Variants in NLGN1 observed in about 807,000 individuals in gnomAD.
NLGN1 encodes neuroligin 1.
A neutral mutation model predicts 65.5 loss-of-function variants in NLGN1; 12 were observed. The ratio of observed to expected loss-of-function variants is 0.18; its 90% CI spans 0.12 to 0.30. NLGN1 has a LOEUF of 0.30. NLGN1 is among the 10% of genes least tolerant of loss of function. The pLI is 1.00. For synonymous variants in NLGN1, 350 were observed against 359.5 expected (o/e 0.97, Z 0.30); for missense variants, 750 against 1,007.1 (o/e 0.74, Z 3.46).
chr3:173,875,914 G>C (rs1333618223), intron 4 of NLGN1, among the ~76,000 whole-genome samples: 1 of 152,104 alleles, frequency 6.6e-6, no homozygotes, highest in Non-Finnish European at 1.5e-5. Flanking sequence ...AAAGAAGTTA[G>C]GAGATGCTTA....
At chr3:173,457,043 C>G (rs963829763) in intron 2 of NLGN1, among the ~76,000 whole-genome samples, 1 of 152,028 alleles carries the variant, frequency 6.6e-6, no homozygotes, top group Non-Finnish European at 1.5e-5. Flanking sequence ...TACTTACTAT[C>G]AGAACATCCA....
At chr3:173,484,384 T>C (rs1051498074) in intron 2 of NLGN1, among the ~76,000 whole-genome samples, 1 of 152,128 alleles carries the variant, frequency 6.6e-6, no homozygotes, top group Non-Finnish European at 1.5e-5. Flanking sequence ...TAAATTCTCT[T>C]AAAAATTTTC....
chr3:174,171,272 T>C (rs1362959), intron 4 of NLGN1, among the ~76,000 whole-genome samples: 15,717 of 152,180 alleles, frequency 0.1, 952 homozygotes, highest in Admixed American at 0.15. Context: ...ATGGAAAACA[T>C]AGATTTGAAA....
At chr3:173,652,068 A>G (rs1759279888) in intron 3 of NLGN1, among the ~76,000 whole-genome samples, 1 of 152,188 alleles carries the variant, frequency 6.6e-6, no homozygotes, top group South Asian at 2.1e-4. Context: ...TGCTGGCGTT[A>G]CAGGTGTGAG....
At chr3:174,121,271 A>T (rs1717726388) in intron 4 of NLGN1, among the ~76,000 whole-genome samples, 1 of 152,128 alleles carries the variant, frequency 6.6e-6, no homozygotes, top group South Asian at 2.1e-4. Flanking sequence ...GACCTTTTCA[A>T]CTCTACTTGA....
At chr3:174,231,439 G>T (rs1185624327) in intron 4 of NLGN1, among the ~76,000 whole-genome samples, 1 of 152,188 alleles carries the variant, frequency 6.6e-6, no homozygotes, top group Non-Finnish European at 1.5e-5. Context: ...GTCTATGAGT[G>T]GTTAATGTAC....
At chr3:173,424,125 C>G (rs1054323404) in intron 1 of NLGN1, among the ~76,000 whole-genome samples, 35 of 152,172 alleles carry the variant, frequency 2.3e-4, no homozygotes, top group African/African-American at 8.0e-4. Context: ...GTAACCTTGG[C>G]CCCTTTTAGC....
intron 2 of NLGN1, among the ~76,000 whole-genome samples, chr3:173,513,765 C>T (rs893273075): frequency 2.0e-5 from 3 of 152,138 alleles, no homozygotes; most frequent in African/African-American, 4.8e-5. Context: ...GTGGCTCACA[C>T]CTGTAATCCC....
chr3:174,088,034 A>T (rs1202828361), intron 4 of NLGN1, among the ~76,000 whole-genome samples: 1 of 152,210 alleles, frequency 6.6e-6, no homozygotes, highest in African/African-American at 2.4e-5. Flanking sequence ...GCTATTATAT[A>T]TGTGTATGTA....
rs187505147 is a variant in NLGN1 at position 173,465,271 on chromosome 3, A to G, written c.-321+30193A>G. Among the ~76,000 whole-genome samples the G allele has an allele frequency of 2.5e-3, 381 of 152,306 alleles. 2 individuals are homozygous for G. Among genetic ancestry groups the G allele is most frequent in the African/African-American group, 8.8e-3 (364 of 41,564 alleles). On this transcript the variant is annotated intron_variant, in intron 2 of 6. Transcript: ENST00000457714. Reference sequence around the variant, plus strand: ...AGCCAACACTGAAGATGTAATGCTTAGGAAAAACACCCAAATGAGCAATCC... The same window carrying G: ...AGCCAACACTGAAGATGTAATGCTTGGGAAAAACACCCAAATGAGCAATCC...
intron 1 of NLGN1, among the ~76,000 whole-genome samples, chr3:173,412,391 A>T (rs770011101): frequency 6.6e-6 from 1 of 152,026 alleles, no homozygotes; most frequent in African/African-American, 2.4e-5. Context: ...GAGCATTAGA[A>T]CCAGGATTTT....
chr3:174,239,742 T>C (rs1395126118), intron 4 of NLGN1, among the ~76,000 whole-genome samples: 2 of 152,156 alleles, frequency 1.3e-5, no homozygotes, highest in Non-Finnish European at 2.9e-5. Flanking sequence ...CTATCCAGCC[T>C]TAGATCTAAG....
At chr3:173,912,597 T>G (rs932522305) in intron 4 of NLGN1, 3 of 152,076 alleles carry the variant, frequency 2.0e-5, no homozygotes, top group African/African-American at 7.2e-5. Flanking sequence ...TCTAAAAACA[T>G]TGGAAAAACA....
intron 2 of NLGN1, among the ~76,000 whole-genome samples, chr3:173,452,885 G>A (rs1022074203): frequency 6.6e-5 from 10 of 152,116 alleles, no homozygotes; most frequent in Admixed American, 6.6e-4. Context: ...ACGTTTACAT[G>A]ACACTGTATT....
At chr3:173,618,633 G>A (rs2149494086) in intron 3 of NLGN1, among the ~76,000 whole-genome samples, 1 of 152,272 alleles carries the variant, frequency 6.6e-6, no homozygotes, top group South Asian at 2.1e-4. Context: ...AACATGGTTA[G>A]TGTCCCCAAA....
At chr3:173,768,417 G>T (rs1779081874) in intron 3 of NLGN1, among the ~76,000 whole-genome samples, 1 of 152,050 alleles carries the variant, frequency 6.6e-6, no homozygotes, top group Non-Finnish European at 1.5e-5. Flanking sequence ...TAAATCAATA[G>T]CCCTCTCCCC....
intron 2 of NLGN1, among the ~76,000 whole-genome samples, chr3:173,570,056 A>G (rs1489065077): frequency 6.6e-6 from 1 of 152,222 alleles, no homozygotes; most frequent in Admixed American, 6.5e-5. Flanking sequence ...AAGGATAAGC[A>G]TAGTTTGAGT....
intron 4 of NLGN1, among the ~76,000 whole-genome samples, chr3:173,882,261 A>T (rs1395869063): frequency 5.9e-5 from 9 of 152,134 alleles, no homozygotes; most frequent in African/African-American, 2.2e-4. Context: ...ATTTTTCATG[A>T]TTCTTAAGGG....
At chr3:173,463,363 C>T (rs1723722586) in intron 2 of NLGN1, among the ~76,000 whole-genome samples, 1 of 152,098 alleles carries the variant, frequency 6.6e-6, no homozygotes, top group African/African-American at 2.4e-5. Context: ...GCTGTGTTTT[C>T]CCCACACTTG....
Sources: allele counts gnomAD v4.1 joint callset (sites outside exome capture counted in the v4.1 genomes callset), GRCh38; gene constraint gnomAD v4.1.1; transcripts MANE v1.5; gene names NCBI Gene and HGNC (gene_info 2026-07-23, HGNC 2026-07-21).